The following MRC1 variants were observed in gnomAD, a reference collection of about 807,000 sequenced individuals.
MRC1 encodes mannose receptor C-type 1.
MRC1 carries 62 observed loss-of-function variants against 102.9 expected under a neutral mutation model. The ratio of observed to expected loss-of-function variants is 0.60; its 90% CI spans 0.49 to 0.74. The LOEUF is 0.74. Ranked by LOEUF, MRC1 falls within the 30% of genes least tolerant of loss-of-function variation. The pLI is 0.00. For synonymous variants in MRC1, 457 were observed against 298.4 expected (o/e 1.53, Z -5.48); for missense variants, 1,237 against 862.8 (o/e 1.43, Z -5.43).
At chr10:17,897,850 G>T (rs1212561074) in intron 23 of MRC1, among the ~76,000 whole-genome samples, 184 bp from the exon 24 acceptor site, 7 of 151,968 alleles carry the variant, frequency 4.6e-5, no homozygotes, top group African/African-American at 1.7e-4. Flanking sequence ...ATTTGATCAG[G>T]GATACTGATG....
At chr10:17,844,769 C>A (rs1838800703) in intron 5 of MRC1, among the ~76,000 whole-genome samples, 2 of 152,238 alleles carry the variant, frequency 1.3e-5, no homozygotes, top group South Asian at 2.1e-4. Context: ...TCTGTTGTTG[C>A]CATCTTTGTG....
rs909477062 is a variant in MRC1, at chr10:17,876,555, C to T, written c.2550+1302C>T. 7.6e-3 allele frequency among the ~76,000 whole-genome samples: 1,158 copies of T among 152,232 alleles called. 10 individuals are homozygous for T. The highest frequency in any genetic ancestry group is 0.014 in the Middle Eastern group (4 of 294). On this transcript the variant is annotated intron_variant, in intron 17 of 29. Coordinates refer to ENST00000569591, the MANE Select transcript of MRC1 (RefSeq NM_002438.4). Reference sequence around the variant, plus strand: ...GAGCCACTGTGCCCAGTCTCAGAACCATTTTTTAGCTTGGATTTTGTGAAG... The same window carrying T: ...GAGCCACTGTGCCCAGTCTCAGAACTATTTTTTAGCTTGGATTTTGTGAAG...
intron 1 of MRC1, among the ~76,000 whole-genome samples, chr10:17,815,828 C>T (rs1448758036): frequency 8.5e-6 from 1 of 117,376 alleles, no homozygotes; most frequent in Non-Finnish European, 1.7e-5. Context: ...ATTTCTTTTT[C>T]TTTTCTTTTT....
At chr10:17,875,051 C>T in intron 16 of MRC1, 39 bp from the exon 17 acceptor site, 1 of 780,624 alleles carries the variant, frequency 1.3e-6, no homozygotes, top group Non-Finnish European at 2.4e-6. Context: ...TTGAATTTGT[C>T]TGCATAAAAC....
chr10:17,898,628 G>A (rs1833787118), intron 24 of MRC1, among the ~76,000 whole-genome samples: 1 of 152,232 alleles, frequency 6.6e-6, no homozygotes, highest in Non-Finnish European at 1.5e-5. Flanking sequence ...TAGGGACATA[G>A]TTGCCAGTGA....
At chr10:17,870,528 C>T (rs1028360071) in intron 13 of MRC1, among the ~76,000 whole-genome samples, 155 bp downstream of exon 13, 20 of 152,122 alleles carry the variant, frequency 1.3e-4, no homozygotes, top group South Asian at 8.3e-4. Flanking sequence ...GATCTAGTTT[C>T]GCTTTCAAAT....
intron 4 of MRC1, 32 bp from the exon 5 acceptor site, chr10:17,840,661 G>A (rs782470071): frequency 3.8e-6 from 3 of 779,232 alleles, no homozygotes; most frequent in Non-Finnish European, 7.2e-6. Flanking sequence ...CCAAGTTCTT[G>A]TTTGTTTGTT....
chr10:17,900,049 G>A lies in MRC1; in HGVS notation c.3484-739G>A, dbSNP rs888632400. Among the ~76,000 whole-genome samples, 106 of 143,756 alleles carry A rather than the reference G, an allele frequency of 7.4e-4. 1 individual carries two copies. The highest frequency in any genetic ancestry group is 2.6e-3 in the African/African-American group (100 of 38,254). 94.3% of individuals were successfully genotyped at this position (143,756 alleles called of 152,430 possible). On this transcript the variant is annotated intron_variant, in intron 24 of 29. Coordinates refer to ENST00000569591, the MANE Select transcript of MRC1 (RefSeq NM_002438.4). ...GGAGGTGGAGGTTGCAGTGAGCCTA[G>A]ATCGAGCCATTGCACTCAAGCCTGG... is the stretch of plus-strand genomic sequence containing the variant.
At chr10:17,894,552 A>G (rs1833728335) in intron 23 of MRC1, among the ~76,000 whole-genome samples, 1 of 150,972 alleles carries the variant, frequency 6.6e-6, no homozygotes, top group Non-Finnish European at 1.5e-5. Flanking sequence ...GGCACACACC[A>G]CCACGCCTGG....
In MRC1 at chr10:17,834,302, G is replaced by A. The variant is rs534949484; in HGVS notation, c.802+463G>A. On this transcript the variant is annotated intron_variant, in intron 4 of 29. Coordinates refer to ENST00000569591, the MANE Select transcript of MRC1 (RefSeq NM_002438.4). ...CTGTTTTGAAACCCTGAAACCCTGA[G>A]TTCTTTTAGCCTCCTGTCCCTCGAA... Among the ~76,000 whole-genome samples, 181 of 152,282 alleles carry A rather than the reference G, an allele frequency of 1.2e-3. 1 individual carries two copies. The highest frequency in any genetic ancestry group is 4.3e-3 in the African/African-American group (178 of 41,556).
chr10:17,863,306 G>A (rs929795173), intron 10 of MRC1, among the ~76,000 whole-genome samples: 3 of 152,078 alleles, frequency 2.0e-5, no homozygotes, highest in Admixed American at 1.3e-4. Context: ...GAGTATCTCC[G>A]AATGATTTTA....
intron 1 of MRC1, among the ~76,000 whole-genome samples, chr10:17,819,173 T>G (rs1472095677): frequency 3.3e-5 from 5 of 152,066 alleles, no homozygotes; most frequent in Admixed American, 6.6e-5. Flanking sequence ...TCGCAGGCAA[T>G]CTGCAAAAGA....
chr10:17,864,159 C>A (rs782403998), intron 11 of MRC1, among the ~76,000 whole-genome samples: 1 of 151,828 alleles, frequency 6.6e-6, no homozygotes, highest in Non-Finnish European at 1.5e-5. Context: ...TGTACCAGCA[C>A]GCCTGGTTAA....
At chr10:17,812,567 C>CTTTT (rs879229292) in intron 1 of MRC1, among the ~76,000 whole-genome samples, 5 of 79,898 alleles carry the variant, frequency 6.3e-5, no homozygotes, top group Non-Finnish European at 8.9e-5. Flanking sequence ...CAACAGTAGG[C>CTTTT]TTTTTTTTTT....
intron 1 of MRC1, among the ~76,000 whole-genome samples, chr10:17,817,907 T>C (rs1357417330): frequency 2.6e-5 from 4 of 152,224 alleles, no homozygotes; most frequent in African/African-American, 9.6e-5. Context: ...TCAGACATGT[T>C]GCAGAGATGA....
intron 4 of MRC1, among the ~76,000 whole-genome samples, chr10:17,837,452 A>G (rs868946692): frequency 0.025 from 3,882 of 152,270 alleles, 178 homozygotes; most frequent in African/African-American, 0.089. Flanking sequence ...TATATTGGGG[A>G]ATAATCCAGA....
intron 4 of MRC1, among the ~76,000 whole-genome samples, chr10:17,837,671 C>T (rs959291142): frequency 8.6e-5 from 13 of 151,676 alleles, no homozygotes; most frequent in East Asian, 3.9e-4. Context: ...CTCTGTCGCC[C>T]GGGCTGGAGT....
chr10:17,830,344 C>T lies in MRC1; in HGVS notation c.637+2629C>T, dbSNP rs916984894. Among the ~76,000 whole-genome samples the T allele has an allele frequency of 1.5e-4, 22 of 151,376 alleles. 2 individuals carry two copies. The highest frequency in any genetic ancestry group is 4.4e-4 in the African/African-American group (18 of 40,674). On this transcript the variant is annotated intron_variant, in intron 3 of 29. Coordinates refer to ENST00000569591, the MANE Select transcript of MRC1 (RefSeq NM_002438.4). ...AAGGGGTTTCACCATGTTGCCCAGG[C>T]TGGTCTCGAACTCCTGACCTCAAAT... is the stretch of plus-strand genomic sequence containing the variant.
At chr10:17,854,456 A>G in intron 8 of MRC1, among the ~76,000 whole-genome samples, 1 of 152,214 alleles carries the variant, frequency 6.6e-6, no homozygotes, top group Non-Finnish European at 1.5e-5. Flanking sequence ...AGAAACCAGA[A>G]AGCAGCATGC....
Sources: gnomAD v4.1 joint callset for allele counts (sites outside exome capture counted in the v4.1 genomes callset) on GRCh38, gnomAD v4.1.1 for gene constraint, MANE v1.5 for transcripts, NCBI Gene and HGNC (gene_info 2026-07-23, HGNC 2026-07-21) for gene names.